Variants in WASHC2A observed in about 807,000 individuals in gnomAD.
WASHC2A encodes WASH complex subunit 2A.
In WASHC2A, 82 loss-of-function variants were observed where a neutral mutation model predicts 140.3. The ratio of observed to expected loss-of-function variants is 0.58; its 90% confidence interval spans 0.49 to 0.70. The LOEUF is 0.70. Ranked by LOEUF, WASHC2A falls within the 30% of genes least tolerant of loss-of-function variation. WASHC2A has a pLI of 0.00. For missense variants in WASHC2A, 985 were observed against 1,521.8 expected (o/e 0.65, Z 5.87); for synonymous variants, 340 against 560.8 (o/e 0.61, Z 5.56).
intron 29 of WASHC2A, 93 bp from the exon 30 acceptor site, chr10:50,130,808 G>A (rs1489445358): frequency 3.2e-6 from 5 of 1,582,780 alleles, no homozygotes; most frequent in Non-Finnish European, 3.4e-6. Context: ...CACACACCCT[G>A]GCCAATTGTA....
At chr10:50,091,559 G>T in intron 10 of WASHC2A, 41 bp downstream of exon 10, 1 of 1,549,144 alleles carries the variant, frequency 6.5e-7, no homozygotes, top group East Asian at 2.4e-5. Context: ...GGGGGGAGTA[G>T]TGCAGGGCCC....
At chr10:50,113,641 C>T (rs1339980228) in intron 20 of WASHC2A, among the ~76,000 whole-genome samples, 1 of 145,746 alleles carries the variant, frequency 6.9e-6, no homozygotes, top group African/African-American at 2.5e-5. Flanking sequence ...GCTGATGAAC[C>T]TGCACTGGAT....
At position 50,129,537 on chromosome 10, in the gene WASHC2A, G is replaced by A. The variant is rs1184934851; in HGVS notation, c.3206G>A (p.Trp1069Ter). The A allele has an allele frequency of 1.2e-6, 2 of 1,611,892 alleles. No individual in the cohort carries two copies. Among genetic ancestry groups the A allele is most frequent in the African/African-American group, 2.7e-5 (2 of 74,856 alleles). The change falls in exon 29 of 31, where the codon TGG becomes TAG. Residue 1069 changes from tryptophan (W) to a stop codon, truncating the protein, a stop_gained. Coordinates refer to ENST00000282633, the MANE Select transcript of WASHC2A (RefSeq NM_001005751.3). LOFTEE classifies it high-confidence loss of function. ...MSVPRGPIAQ[W>*]ADGAISPNGH... ...GTCCCCAGAGGACCCATTGCACAGTGGGCTGATGGCGCCATTTCCCCAAAT... is the reference window on the plus strand; with the variant it reads ...GTCCCCAGAGGACCCATTGCACAGTAGGCTGATGGCGCCATTTCCCCAAAT...
At chr10:50,095,307 C>T (rs1440298984) in intron 14 of WASHC2A, 100 bp downstream of exon 14, 7 of 1,065,770 alleles carry the variant, frequency 6.6e-6, no homozygotes, top group Admixed American at 2.8e-5. Flanking sequence ...TGAGGAAGTA[C>T]CTGGGAGCTT....
intron 3 of WASHC2A, among the ~76,000 whole-genome samples, chr10:50,078,322 G>T (rs1422380763): frequency 6.6e-6 from 1 of 152,086 alleles, no homozygotes; most frequent in Non-Finnish European, 1.5e-5. Flanking sequence ...CATAACCTGG[G>T]GTCAGAATAC....
intron 18 of WASHC2A, 42 bp from the exon 19 acceptor site, chr10:50,106,292 G>A: frequency 6.3e-7 from 1 of 1,595,348 alleles, no homozygotes; most frequent in Non-Finnish European, 8.6e-7. Context: ...TATGTTTTCT[G>A]ATTATAAAGT....
At chr10:50,097,432 T>C (rs1210725883) in intron 15 of WASHC2A, among the ~76,000 whole-genome samples, 2 of 149,686 alleles carry the variant, frequency 1.3e-5, no homozygotes, top group African/African-American at 4.9e-5. Flanking sequence ...AAATGGCTGC[T>C]TGGATAAGCA....
intron 1 of WASHC2A, 42 bp from the exon 2 acceptor site, chr10:50,068,063 C>A (rs1554874581): frequency 1.9e-6 from 3 of 1,608,954 alleles, no homozygotes; most frequent in East Asian, 4.5e-5. Flanking sequence ...CCGTCCCTGC[C>A]GCCCTCAGGC....
rs1839832637 is a variant in WASHC2A, at chr10:50,090,540, A to ATATATATATATATATTTATATT, written c.733-225_733-224insATATTTATATTTATATATATAT. Reference sequence around the variant, plus strand: ...AATATATATATATATATTTATATTTATATATATATATTTATATTTTATATA... The same window carrying ATATATATATATATATTTATATT: ...AATATATATATATATATTTATATTTATATATATATATATATTTATATTTATATATATATTTATATTTTATATA... On this transcript the variant is annotated intron_variant, in intron 8 of 30. Transcript: ENST00000282633. Among the ~76,000 whole-genome samples, 18 of 143,974 alleles carry ATATATATATATATATTTATATT rather than the reference A, an allele frequency of 1.3e-4. 1 individual carries two copies. The highest frequency in any genetic ancestry group is 2.1e-4 in the South Asian group (1 of 4,720). 94.5% of individuals were successfully genotyped at this position (143,974 alleles called of 152,430 possible).
At chr10:50,083,289 T>G (rs1839068046) in intron 5 of WASHC2A, among the ~76,000 whole-genome samples, 1 of 117,098 alleles carries the variant, frequency 8.5e-6, no homozygotes, top group African/African-American at 3.6e-5. Flanking sequence ...CATGAGCCAC[T>G]GTGCCCGGCC....
In WASHC2A at chr10:50,097,811, G is replaced by C. The variant is rs1410870187; in HGVS notation, c.1548+9G>C. 1.2e-6 allele frequency: 2 copies of C among 1,610,764 alleles called. No individual in the cohort carries two copies. The highest frequency in any genetic ancestry group is 1.3e-5 in the African/African-American group (1 of 74,768). On this transcript the variant is annotated intron_variant, in intron 16 of 30. Coordinates refer to ENST00000282633, the MANE Select transcript of WASHC2A (RefSeq NM_001005751.3). ...CAAGAGCAGAAAAAAAGGTGAGCAGGAGGGAAGACTTAACGCAGGAGCATT... is the reference window on the plus strand; with the variant it reads ...CAAGAGCAGAAAAAAAGGTGAGCAGCAGGGAAGACTTAACGCAGGAGCATT...
At chr10:50,113,804 G>A in intron 20 of WASHC2A, 91 bp from the exon 21 acceptor site, 1 of 253,296 alleles carries the variant, frequency 3.9e-6, no homozygotes, top group Non-Finnish European at 6.9e-6. Context: ...GTGGATTCCT[G>A]TAGGTGCAGT....
chr10:50,130,918 G>T lies in WASHC2A; in HGVS notation c.3726G>T (p.Thr1242=). 6.2e-7 allele frequency: 1 copy of T among 1,603,026 alleles called. No homozygotes were observed. Among genetic ancestry groups the T allele is most frequent in the Non-Finnish European group, 8.5e-7 (1 of 1,177,838 alleles). The part of the protein sequence containing the change: ...QDIFEDDIFA[T]EAIKPSQKTR... Reference sequence around the variant, plus strand: ...TTAACAAGGATGATATATTTGCTACGGAAGCAATTAAACCCTCTCAGAAAA... The same window carrying T: ...TTAACAAGGATGATATATTTGCTACTGAAGCAATTAAACCCTCTCAGAAAA... Residue 1242 remains threonine (T), a synonymous_variant, in exon 30 of 31, where the codon ACG becomes ACT. Coordinates refer to ENST00000282633, the MANE Select transcript of WASHC2A (RefSeq NM_001005751.3).
At chr10:50,082,585 C>T (rs1839008735) in intron 5 of WASHC2A, among the ~76,000 whole-genome samples, 1 of 149,808 alleles carries the variant, frequency 6.7e-6, no homozygotes, top group East Asian at 2.1e-4. Flanking sequence ...TCAAGTGATT[C>T]TCCTGCCTCA....
chr10:50,105,284 G>A (rs1157914788), intron 18 of WASHC2A, among the ~76,000 whole-genome samples: 6 of 151,134 alleles, frequency 4.0e-5, no homozygotes, highest in South Asian at 2.1e-4. Context: ...AGTACTGGGC[G>A]GTGGTGAGCT....
At chr10:50,129,232 A>G (rs1376845177) in intron 28 of WASHC2A, among the ~76,000 whole-genome samples, 187 bp from the exon 29 acceptor site, 5 of 152,198 alleles carry the variant, frequency 3.3e-5, no homozygotes, top group African/African-American at 9.6e-5. Flanking sequence ...GTCTTGGAGT[A>G]CTAGGAGCTA....
In WASHC2A at chr10:50,110,114, T is replaced by G. The variant is rs1368659467; in HGVS notation, c.1883T>G (p.Ile628Ser). The G allele has an allele frequency of 6.2e-7, 1 of 1,610,512 alleles. No homozygotes were observed. The highest frequency in any genetic ancestry group is 1.3e-5 in the African/African-American group (1 of 74,546). ...TTATGTTTTAAGGACCAGTGGAATA[T>G]TCCTGCTTCACAGACCCACTTAGCA... ...FSSDEEDQWN[I>S]PASQTHLASD... The change falls in exon 20 of 31, where the codon ATT becomes AGT. Residue 628 changes from isoleucine (I) to serine (S), a missense_variant. Physicochemically the swap from Ile to Ser is moderately radical, Grantham distance 142. Coordinates refer to ENST00000282633, the MANE Select transcript of WASHC2A (RefSeq NM_001005751.3).
chr10:50,102,836 TTATAA>T (rs1841344771), intron 17 of WASHC2A, among the ~76,000 whole-genome samples: 1 of 150,328 alleles, frequency 6.7e-6, no homozygotes, highest in South Asian at 2.1e-4. Flanking sequence ...AGCTGATGTT[TTATAA>T]CATTTTGAAA....
rs1589283210 is a variant in WASHC2A, at chr10:50,126,313, T to A, written c.2811+134T>A. ...CAGCAACCAGGGCTACCGCTTTGTCTTCACTGCACTCCCCCCAAGTCATCT... is the reference window on the plus strand; with the variant it reads ...CAGCAACCAGGGCTACCGCTTTGTCATCACTGCACTCCCCCCAAGTCATCT... On this transcript the variant is annotated intron_variant, in intron 26 of 30. Transcript: ENST00000282633. 6.5e-6 allele frequency: 10 copies of A among 1,530,520 alleles called. No individual in the cohort carries two copies. The East Asian group carries it at 2.0e-4, about 31-fold the overall frequency. 94.8% of individuals were successfully genotyped at this position (1,530,520 alleles called of 1,614,324 possible).
Sources: allele counts gnomAD v4.1 joint callset (sites outside exome capture counted in the v4.1 genomes callset), GRCh38; gene constraint gnomAD v4.1.1; transcripts MANE v1.5; gene names NCBI Gene and HGNC (gene_info 2026-07-23, HGNC 2026-07-21).